Variants in CAPRIN1 observed in about 807,000 individuals in gnomAD.
The protein encoded by CAPRIN1 is caprin-1.
A neutral mutation model predicts 100.9 loss-of-function variants in CAPRIN1; 29 were observed. That is an observed-to-expected ratio of 0.29 (90% CI 0.21 to 0.39). CAPRIN1 has a LOEUF of 0.39. Among genes scored for constraint, CAPRIN1 ranks in the 10% least tolerant of loss-of-function variants. CAPRIN1 has a pLI of 1.00. For synonymous variants in CAPRIN1, 338 were observed against 307.5 expected (o/e 1.10, Z -1.04); for missense variants, 795 against 876.7 (o/e 0.91, Z 1.18).
intron 2 of CAPRIN1, chr11:34,055,949 C>G (rs982036690): frequency 1.3e-5 from 2 of 152,162 alleles, no homozygotes; most frequent in African/African-American, 4.8e-5. Flanking sequence ...TGGATTTGCC[C>G]TAAATTTAAG....
Position 34,090,670 on chromosome 11 carries a change from A to T in CAPRIN1, c.1546A>T (p.Met516Leu). The T allele has an allele frequency of 6.2e-7, 1 of 1,612,796 alleles. No individual in the cohort carries two copies. Among genetic ancestry groups the T allele is most frequent in the African/African-American group, 1.3e-5 (1 of 75,048 alleles). ...INVNAAPFQS[M>L]QTVFNMNAPV... ...TGTAAATGCAGCTCCATTCCAATCC[A>T]TGCAAACGGTAAGCAAATTAACTAA... Residue 516 changes from methionine to leucine, a missense_variant, in exon 14 of 19, where the codon ATG becomes TTG. This residue lies in a region of CAPRIN1 where 648 missense variants were observed against 697.9 expected (regional missense o/e 0.93). Coordinates refer to ENST00000341394, the MANE Select transcript of CAPRIN1 (RefSeq NM_005898.5).
chr11:34,053,871 T>C (rs542266776), intron 2 of CAPRIN1, among the ~76,000 whole-genome samples: 1 of 152,334 alleles, frequency 6.6e-6, no homozygotes, highest in South Asian at 2.1e-4. Context: ...TCTGTGACTA[T>C]CATGTTAACT....
intron 2 of CAPRIN1, among the ~76,000 whole-genome samples, chr11:34,063,765 G>A (rs1340847770): frequency 6.6e-6 from 1 of 152,214 alleles, no homozygotes; most frequent in Non-Finnish European, 1.5e-5. Context: ...GGGCAGGTGT[G>A]TGTTATCAAC....
rs1565100418 is a variant in CAPRIN1 at position 34,099,989 on chromosome 11, C to CTTT, written c.*625_*627dup. On this transcript the variant is annotated 3_prime_UTR_variant, in exon 19 of 19. Transcript: ENST00000341394. ...TGTGGTTAAAAACACATGTAAAATG[C>CTTT]TTTTTAACAGCTGATACTGTATAAG... The CTTT allele has an allele frequency of 6.5e-6, 1 of 152,706 alleles. No individual in the cohort carries two copies. Among genetic ancestry groups the CTTT allele is most frequent in the Non-Finnish European group, 1.5e-5 (1 of 68,096 alleles). The allele number at this position is 152,706 out of a possible 1,614,324, so 9.5% of individuals were successfully genotyped here.
chr11:34,091,978 G>C lies in CAPRIN1; in HGVS notation c.1627G>C (p.Ala543Pro). ...ETLKQQNQYQ[A>P]SYNQSFSSQP... is the part of the protein sequence containing the mutation. ...TTTAAAACAGCAAAATCAGTACCAG[G>C]CCAGTTATAACCAGAGCTTTTCTAG... The change falls in exon 15 of 19, where the codon GCC becomes CCC. Residue 543 changes from alanine to proline, a missense_variant. Ala to Pro is a conservative substitution (Grantham distance 27). Transcript: ENST00000341394. The C allele has an allele frequency of 2.5e-6, 4 of 1,614,044 alleles. No homozygotes were observed. The highest frequency in any genetic ancestry group is 3.4e-6 in the Non-Finnish European group (4 of 1,179,968).
chr11:34,055,255 C>G (rs1401105860), intron 2 of CAPRIN1, among the ~76,000 whole-genome samples: 1 of 152,054 alleles, frequency 6.6e-6, no homozygotes, highest in Non-Finnish European at 1.5e-5. Flanking sequence ...CCTCCACCTC[C>G]CGGGTTCAAG....
chr11:34,053,149 T>C, intron 2 of CAPRIN1: 1 of 988,438 alleles, frequency 1.0e-6, no homozygotes, highest in Non-Finnish European at 1.2e-6. Context: ...GCGTCCCCTC[T>C]TCTTCCGTAG....
At chr11:34,094,165 T>G (rs1028037652) in intron 15 of CAPRIN1, among the ~76,000 whole-genome samples, 1 of 151,980 alleles carries the variant, frequency 6.6e-6, no homozygotes, top group Non-Finnish European at 1.5e-5. Flanking sequence ...TGAAATAATA[T>G]GTATACATTG....
chr11:34,071,210 A>T (rs1009125967), intron 2 of CAPRIN1, among the ~76,000 whole-genome samples: 2 of 152,188 alleles, frequency 1.3e-5, no homozygotes, highest in African/African-American at 4.8e-5. Flanking sequence ...ATGTTGTGCC[A>T]TTGGTTTACA....
intron 15 of CAPRIN1, among the ~76,000 whole-genome samples, chr11:34,092,971 C>G (rs1851290950): frequency 6.6e-6 from 1 of 151,942 alleles, no homozygotes; most frequent in African/African-American, 2.4e-5. Flanking sequence ...CCTCCCTCAG[C>G]CTCCTGAGTA....
intron 4 of CAPRIN1, among the ~76,000 whole-genome samples, chr11:34,072,307 C>A (rs1389459140): frequency 1.4e-4 from 21 of 146,394 alleles, no homozygotes; most frequent in Admixed American, 1.3e-3. Flanking sequence ...CGTGATAAAA[C>A]CCCATCTCTA....
chr11:34,052,731 C>G, intron 2 of CAPRIN1, 95 bp downstream of exon 2: 1 of 1,451,782 alleles, frequency 6.9e-7, no homozygotes, highest in Non-Finnish European at 9.3e-7. Context: ...CTTTTCGTCT[C>G]GGGAGCGTTA....
At chr11:34,081,608 T>C (rs112889447) in intron 7 of CAPRIN1, among the ~76,000 whole-genome samples, 15,523 of 152,036 alleles carry the variant, frequency 0.1, 859 homozygotes, top group African/African-American at 0.15. Context: ...ATTCTCCTGC[T>C]TTAGCCTCTC....
Position 34,096,652 on chromosome 11 carries a change from G to A in CAPRIN1, c.1879G>A (p.Gly627Ser). ...TAGAGGCTTGATGAATGGATACCGG[G>A]GCCCTGCCAATGGATTCAGAGGTAA... ...GARGLMNGYRGPANGFRGGYD... is the reference protein window; with the variant it reads ...GARGLMNGYRSPANGFRGGYD... Residue 627 changes from glycine (G) to serine (S), a missense_variant, in exon 16 of 19, where the codon GGC becomes AGC. Physicochemically the swap from Gly to Ser is moderately conservative, Grantham distance 56. Coordinates refer to ENST00000341394, the MANE Select transcript of CAPRIN1 (RefSeq NM_005898.5). The A allele has an allele frequency of 3.1e-6, 5 of 1,601,866 alleles. No individual in the cohort carries two copies. The highest frequency in any genetic ancestry group is 4.3e-6 in the Non-Finnish European group (5 of 1,170,248).
intron 11 of CAPRIN1, among the ~76,000 whole-genome samples, chr11:34,086,820 T>C (rs1258656442): frequency 6.6e-6 from 1 of 152,236 alleles, no homozygotes; most frequent in Non-Finnish European, 1.5e-5. Flanking sequence ...TTGTCTGTTT[T>C]TGTAACTTTA....
At chr11:34,083,263 A>G (rs1270692060) in intron 9 of CAPRIN1, among the ~76,000 whole-genome samples, 1 of 152,212 alleles carries the variant, frequency 6.6e-6, no homozygotes, top group Non-Finnish European at 1.5e-5. Flanking sequence ...ATTATTTTAT[A>G]CAAAGTTATC....
chr11:34,088,517 TAAA>T (rs1262693073), intron 11 of CAPRIN1, among the ~76,000 whole-genome samples: 1 of 151,706 alleles, frequency 6.6e-6, no homozygotes, highest in Non-Finnish European at 1.5e-5. Context: ...ATTAGTCAAA[TAAA>T]AAAGTTAGCT....
chr11:34,092,178 A>C lies in CAPRIN1; in HGVS notation c.1705+122A>C, dbSNP rs1429328634. 4.7e-6 allele frequency: 4 copies of C among 852,858 alleles called. No homozygotes were observed. In the East Asian group the frequency reaches 1.1e-4, roughly 24 times the overall value. 52.8% of individuals were successfully genotyped at this position (852,858 alleles called of 1,614,324 possible). ...AGTTTCTGTTTTAGTAGCAGACCATATGAATTTTTCATTTCAGATCATGAG... is the reference window on the plus strand; with the variant it reads ...AGTTTCTGTTTTAGTAGCAGACCATCTGAATTTTTCATTTCAGATCATGAG... On this transcript the variant is annotated intron_variant, in intron 15 of 18. Coordinates refer to ENST00000341394, the MANE Select transcript of CAPRIN1 (RefSeq NM_005898.5).
rs185051132 is a variant in CAPRIN1, at chr11:34,060,837, A to C, written c.216+8201A>C. Among the ~76,000 whole-genome samples the C allele has an allele frequency of 3.3e-5, 5 of 152,316 alleles. No homozygotes were observed. The East Asian group carries it at 9.6e-4, about 29-fold the overall frequency. On this transcript the variant is annotated intron_variant, in intron 2 of 18. Coordinates refer to ENST00000341394, the MANE Select transcript of CAPRIN1 (RefSeq NM_005898.5). ...AACTCCCAAGGAATGTATTAATATA[A>C]ATAAGTTGTACAGAATTATGCTAAG... is the stretch of plus-strand genomic sequence containing the variant.
Sources: gnomAD v4.1 joint callset for allele counts (sites outside exome capture counted in the v4.1 genomes callset) on GRCh38, gnomAD v4.1.1 for gene constraint, gnomAD v4.1.1 regional missense constraint, MANE v1.5 for transcripts, NCBI Gene and HGNC (gene_info 2026-07-23, HGNC 2026-07-21) for gene names.